SKAP1: variants seen among roughly 807,000 people sequenced by gnomAD.
The protein encoded by SKAP1 is src kinase associated phosphoprotein 1, also known as src kinase-associated phosphoprotein 1.
SKAP1 carries 44 observed loss-of-function variants against 58.5 expected under a neutral mutation model. The ratio of observed to expected loss-of-function variants is 0.75; its 90% CI spans 0.59 to 0.97. The LOEUF is 0.97. Ranked by LOEUF, SKAP1 falls within the 50% of genes least tolerant of loss-of-function variation. The pLI, the probability that SKAP1 is intolerant of heterozygous loss-of-function variation, is 0.00. For synonymous variants in SKAP1, 127 were observed against 149.7 expected, an observed-to-expected ratio of 0.85 and a Z score of 1.11; for missense variants, 390 against 435.2, an observed-to-expected ratio of 0.90 and a Z score of 0.92.
chr17:48,265,506 A>AAGCG (rs753340099), intron 4 of SKAP1, among the ~76,000 whole-genome samples: 1 of 64,524 alleles, frequency 1.5e-5, no homozygotes, highest in African/African-American at 4.3e-5. Flanking sequence ...AAAAAAAAGC[A>AAGCG]AGCAAGCAAG....
chr17:48,148,322 T>C (rs1365504233), intron 11 of SKAP1, among the ~76,000 whole-genome samples: 1 of 152,156 alleles, frequency 6.6e-6, no homozygotes, highest in Non-Finnish European at 1.5e-5. Context: ...CACACAACTT[T>C]ACCTAAAGAA....
intron 4 of SKAP1, among the ~76,000 whole-genome samples, chr17:48,268,947 G>A (rs2065591120): frequency 6.6e-6 from 1 of 152,008 alleles, no homozygotes; most frequent in South Asian, 2.1e-4. Context: ...TGACACTAAC[G>A]ATACTTAAAA....
In SKAP1 at chr17:48,182,472, G is replaced by T; in HGVS notation, c.568-15C>A. ...GTAGCTGTAAACTAGAGAAAAATCA[G>T]TGAATTAATTTATCACTGTCACTAA... is the stretch of plus-strand genomic sequence containing the variant. On this transcript the variant is annotated splice_polypyrimidine_tract_variant and intron_variant, in intron 7 of 12. Coordinates refer to ENST00000336915, the MANE Select transcript of SKAP1 (RefSeq NM_003726.4). The T allele has an allele frequency of 6.3e-7, 1 of 1,587,696 alleles. No homozygotes were observed.
At chr17:48,302,242 A>T (rs527663222) in intron 4 of SKAP1, among the ~76,000 whole-genome samples, 1 of 152,332 alleles carries the variant, frequency 6.6e-6, no homozygotes, top group African/African-American at 2.4e-5. Flanking sequence ...GATATATACT[A>T]AACTATATCC....
chr17:48,183,636 C>T (rs547505037), intron 7 of SKAP1, among the ~76,000 whole-genome samples: 25 of 152,028 alleles, frequency 1.6e-4, no homozygotes, highest in East Asian at 3.9e-4. Flanking sequence ...AGACTTGTTA[C>T]GTAAACTTTT....
chr17:48,430,154 G>A lies in SKAP1; in HGVS notation c.-34C>T, dbSNP rs1035114965. ...GCGGGAGAGAGGCGGGACGGGGCGCGGGCCCTGGTCGGGAGGCGGACGGGC... is the reference window on the plus strand; with the variant it reads ...GCGGGAGAGAGGCGGGACGGGGCGCAGGCCCTGGTCGGGAGGCGGACGGGC... On this transcript the variant is annotated 5_prime_UTR_variant, in exon 1 of 13. Coordinates refer to ENST00000336915, the MANE Select transcript of SKAP1 (RefSeq NM_003726.4). The A allele has an allele frequency of 1.6e-6, 2 of 1,252,870 alleles. No individual in the cohort carries two copies. The highest frequency in any genetic ancestry group is 4.2e-5 in the Admixed American group (1 of 23,770). 77.6% of individuals were successfully genotyped at this position (1,252,870 alleles called of 1,614,324 possible).
At chr17:48,308,290 G>C (rs929781294) in intron 4 of SKAP1, 7 of 152,026 alleles carry the variant, frequency 4.6e-5, no homozygotes, top group Admixed American at 2.6e-4. Context: ...ATAATAAAAG[G>C]CTCCAGAGGA....
At chr17:48,352,355 T>A (rs372542908) in intron 3 of SKAP1, among the ~76,000 whole-genome samples, 3 of 152,220 alleles carry the variant, frequency 2.0e-5, no homozygotes, top group Non-Finnish European at 2.9e-5. Flanking sequence ...AAATGGAACC[T>A]GCTGAGTGGG....
chr17:48,436,879 A>ATGGTCTT, the SKAP1 span, among the ~76,000 whole-genome samples: 1 of 152,030 alleles, frequency 6.6e-6, no homozygotes, highest in Non-Finnish European at 1.5e-5. Flanking sequence ...GGATCATTGG[A>ATGGTCTT]TGGTCTTGAC....
intron 4 of SKAP1, among the ~76,000 whole-genome samples, chr17:48,198,963 C>A (rs1388171250): frequency 1.3e-5 from 2 of 152,174 alleles, no homozygotes; most frequent in East Asian, 3.8e-4. Flanking sequence ...GCCACATTGT[C>A]TTTTTACAAA....
rs1203665435 is a variant in SKAP1, at chr17:48,133,706, C to A, written c.*118G>T. The A allele has an allele frequency of 6.6e-6, 1 of 152,548 alleles. No individual in the cohort carries two copies. Among genetic ancestry groups the A allele is most frequent in the Admixed American group, 6.6e-5 (1 of 15,264 alleles). The allele number at this position is 152,548 out of a possible 1,614,324, so 9.4% of individuals were successfully genotyped here. A position where few individuals can be genotyped will look rare whatever the true frequency, so the allele number is the denominator to read the frequency against. On this transcript the variant is annotated 3_prime_UTR_variant, in exon 13 of 13. Coordinates refer to ENST00000336915, the MANE Select transcript of SKAP1 (RefSeq NM_003726.4). ...CTGAGGTGTCAAGAGACTTGGGTCTCTTCAGCAAAGAGAGGAGTCCAAGGC... is the reference window on the plus strand; with the variant it reads ...CTGAGGTGTCAAGAGACTTGGGTCTATTCAGCAAAGAGAGGAGTCCAAGGC...
chr17:48,429,400 C>T (rs1467978318), intron 1 of SKAP1, among the ~76,000 whole-genome samples: 2 of 152,194 alleles, frequency 1.3e-5, no homozygotes, highest in Non-Finnish European at 2.9e-5. Flanking sequence ...ACCGCTTAGA[C>T]ACTGTAGTTG....
chr17:48,443,932 T>G, the SKAP1 span, among the ~76,000 whole-genome samples: 1 of 152,164 alleles, frequency 6.6e-6, no homozygotes, highest in Admixed American at 6.5e-5. Context: ...AATTATTAAA[T>G]TTACTTTATT....
intron 4 of SKAP1, among the ~76,000 whole-genome samples, chr17:48,197,323 G>A (rs1432730105): frequency 4.0e-5 from 6 of 151,688 alleles, no homozygotes. Flanking sequence ...TGATGCAAGG[G>A]TGATCATCTA....
intron 1 of SKAP1, among the ~76,000 whole-genome samples, chr17:48,427,805 G>A (rs1486876491): frequency 6.6e-6 from 1 of 151,838 alleles, no homozygotes; most frequent in Non-Finnish European, 1.5e-5. Context: ...CAGCCATGTG[G>A]CAGCACTAGA....
intron 4 of SKAP1, among the ~76,000 whole-genome samples, chr17:48,247,687 C>A (rs1314377304): frequency 6.6e-6 from 1 of 152,044 alleles, no homozygotes; most frequent in East Asian, 1.9e-4. Context: ...ATTTTTTCAT[C>A]CTTTTTCCCC....
intron 4 of SKAP1, among the ~76,000 whole-genome samples, chr17:48,309,896 C>T (rs2066200977): frequency 6.6e-6 from 1 of 152,028 alleles, no homozygotes; most frequent in Non-Finnish European, 1.5e-5. Flanking sequence ...GGTATGTTGG[C>T]CTTGCACCTT....
chr17:48,364,415 G>A (rs557801955), intron 2 of SKAP1, among the ~76,000 whole-genome samples: 70 of 152,216 alleles, frequency 4.6e-4, no homozygotes, highest in African/African-American at 1.6e-3. Flanking sequence ...GGTGGCTCAC[G>A]CCTGTAATCC....
rs146099363 is a variant in SKAP1 at position 48,321,132 on chromosome 17, G to A, written c.280+24773C>T. 3.3e-5 allele frequency among the ~76,000 whole-genome samples: 5 copies of A among 152,180 alleles called. No individual in the cohort carries two copies. The East Asian group carries it at 9.6e-4, about 29-fold the overall frequency. On this transcript the variant is annotated intron_variant, in intron 4 of 12. Transcript: ENST00000336915. ...CACTCAGCTAACCAAGAATCTCACTGGAGTATAGAAGGAACTACCCATTTG... is the reference window on the plus strand; with the variant it reads ...CACTCAGCTAACCAAGAATCTCACTAGAGTATAGAAGGAACTACCCATTTG...
Sources: gnomAD v4.1 joint callset for allele counts (sites outside exome capture counted in the v4.1 genomes callset) on GRCh38, gnomAD v4.1.1 for gene constraint, MANE v1.5 for transcripts, NCBI Gene and HGNC (gene_info 2026-07-23, HGNC 2026-07-21) for gene names.